Variants in FOXP1 observed in about 807,000 individuals in gnomAD.
The protein encoded by FOXP1 is forkhead box P1.
Under a neutral mutation model 98.2 loss-of-function variants are expected in FOXP1, and 15 were observed. The ratio of observed to expected loss-of-function variants is 0.15; its 90% CI spans 0.10 to 0.24. The LOEUF (loss-of-function observed/expected upper bound fraction) is 0.24. FOXP1 is among the 10% of genes least tolerant of loss of function. The pLI, the probability that FOXP1 is intolerant of heterozygous loss-of-function variation, is 1.00. For synonymous variants in FOXP1, 371 were observed against 314.5 expected, an observed-to-expected ratio of 1.18 and a Z score of -1.90; for missense variants, 633 against 848.5, an observed-to-expected ratio of 0.75 and a Z score of 3.15.
chr3:71,163,545 C>T (rs563265445), intron 6 of FOXP1, among the ~76,000 whole-genome samples: 2 of 152,070 alleles, frequency 1.3e-5, no homozygotes. Flanking sequence ...TGCTCAGTGC[C>T]CAATCTCTGC....
chr3:70,956,539 C>T lies in FOXP1; in HGVS notation c.*2708G>A, dbSNP rs915449389. On this transcript the variant is annotated 3_prime_UTR_variant, in exon 21 of 21. Coordinates refer to ENST00000649528, the MANE Select transcript of FOXP1 (RefSeq NM_001349338.3). ...CCCTAAAGGTTTGAACTGAGGTATGCGTACTAACAGTTTCTCATGCTGTTA... is the reference window on the plus strand; with the variant it reads ...CCCTAAAGGTTTGAACTGAGGTATGTGTACTAACAGTTTCTCATGCTGTTA... The T allele has an allele frequency of 6.2e-5, 14 of 225,802 alleles. No individual in the cohort carries two copies. Among genetic ancestry groups the T allele is most frequent in the African/African-American group, 2.0e-4 (9 of 44,068 alleles). 14.0% of individuals were successfully genotyped at this position (225,802 alleles called of 1,614,324 possible). A position where few individuals can be genotyped will look rare whatever the true frequency, so the allele number is the denominator to read the frequency against.
intron 14 of FOXP1, among the ~76,000 whole-genome samples, chr3:70,979,191 A>AAGAT (rs896547826): frequency 2.8e-5 from 4 of 142,958 alleles, no homozygotes; most frequent in Admixed American, 1.4e-4. Flanking sequence ...CTGAGGTGGG[A>AAGAT]AGATAGCTTG....
intron 20 of FOXP1, among the ~76,000 whole-genome samples, chr3:70,960,477 T>C (rs765106244): frequency 4.2e-4 from 64 of 152,238 alleles, no homozygotes; most frequent in Non-Finnish European, 2.1e-4. Context: ...AGAAATGTTG[T>C]TCGTAAATCA....
At chr3:71,582,698 C>T (rs2048282257) in intron 1 of FOXP1, 1 of 985,204 alleles carries the variant, frequency 1.0e-6, no homozygotes. Flanking sequence ...CCCGCACCCA[C>T]CCGTGGATCT....
Position 70,957,700 on chromosome 3 carries a change from T to G in FOXP1, c.*1547A>C. ...ACCATCACATTTCTGCATACCATGT[T>G]TGGGACCCCCCCAAAGCCCAGGGCC... On this transcript the variant is annotated 3_prime_UTR_variant, in exon 21 of 21. Coordinates refer to ENST00000649528, the MANE Select transcript of FOXP1 (RefSeq NM_001349338.3). The G allele has an allele frequency of 4.3e-6, 1 of 233,528 alleles. No individual in the cohort carries two copies. Among genetic ancestry groups the G allele is most frequent in the East Asian group, 6.0e-5 (1 of 16,576 alleles). The allele number at this position is 233,528 out of a possible 1,614,324, so 14.5% of individuals were successfully genotyped here. A position where few individuals can be genotyped will look rare whatever the true frequency, so the allele number is the denominator to read the frequency against.
intron 2 of FOXP1, among the ~76,000 whole-genome samples, chr3:71,517,401 T>C (rs2042661698): frequency 6.6e-6 from 1 of 152,242 alleles, no homozygotes; most frequent in Admixed American, 6.5e-5. Context: ...CAGGGGTTTC[T>C]TGGATTTAGC....
intron 5 of FOXP1, among the ~76,000 whole-genome samples, chr3:71,221,324 C>T (rs1459430244): frequency 6.6e-6 from 1 of 152,176 alleles, no homozygotes. Flanking sequence ...ATGTTGGGGT[C>T]CACTGTTCTA....
rs142956636 is a variant in FOXP1, at chr3:70,956,732, G to GTTTTT, written c.*2510_*2514dup. On this transcript the variant is annotated 3_prime_UTR_variant, in exon 21 of 21. Coordinates refer to ENST00000649528, the MANE Select transcript of FOXP1 (RefSeq NM_001349338.3). ...GCACATCATGAAGCTGCCTGGAAAA[G>GTTTTT]TTTTTTTTTTTTTTTTTTTTTTTTT... is the stretch of plus-strand genomic sequence containing the variant. 3.9e-3 allele frequency: 129 copies of GTTTTT among 32,810 alleles called. 26 individuals carry two copies. Among genetic ancestry groups the GTTTTT allele is most frequent in the East Asian group, 8.2e-3 (11 of 1,338 alleles). 2.0% of individuals were successfully genotyped at this position (32,810 alleles called of 1,614,324 possible).
chr3:71,240,794 C>A (rs545257213), intron 5 of FOXP1, among the ~76,000 whole-genome samples: 1 of 151,748 alleles, frequency 6.6e-6, no homozygotes, highest in Non-Finnish European at 1.5e-5. Flanking sequence ...ATCTGCCCGC[C>A]CTGGCCTCCC....
rs190837409 is a variant in FOXP1 at position 71,072,428 on chromosome 3, G to A, written c.283-18655C>T. Among the ~76,000 whole-genome samples the A allele has an allele frequency of 6.6e-5, 10 of 152,326 alleles. No individual in the cohort carries two copies. In the East Asian group the frequency reaches 1.7e-3, roughly 26 times the overall value. ...AATCTCGAACACTGTCATGTCTACA[G>A]TGAGTCAGGGAACAACAACCAAAAA... On this transcript the variant is annotated intron_variant, in intron 7 of 20. Transcript: ENST00000649528.
chr3:71,474,049 G>T (rs143078795), intron 3 of FOXP1, among the ~76,000 whole-genome samples: 21 of 152,200 alleles, frequency 1.4e-4, no homozygotes, highest in African/African-American at 4.8e-4. Context: ...AAATAGTTAC[G>T]TTAGGAAAAG....
chr3:71,527,713 A>AG (rs1004907019), intron 2 of FOXP1, among the ~76,000 whole-genome samples: 22 of 152,148 alleles, frequency 1.4e-4, no homozygotes, highest in African/African-American at 4.8e-4. Flanking sequence ...TCTGTACAAT[A>AG]GGGGGGAAAA....
chr3:71,252,307 G>A (rs905661339), intron 5 of FOXP1, among the ~76,000 whole-genome samples: 26 of 152,118 alleles, frequency 1.7e-4, no homozygotes, highest in African/African-American at 5.6e-4. Context: ...ACCAATCCTG[G>A]CACTGCCTAT....
chr3:71,199,603 G>A (rs1441298972), intron 5 of FOXP1, among the ~76,000 whole-genome samples: 5 of 151,820 alleles, frequency 3.3e-5, no homozygotes, highest in Non-Finnish European at 2.9e-5. Flanking sequence ...AGCCAGTCAT[G>A]GTGACAGGTG....
intron 2 of FOXP1, among the ~76,000 whole-genome samples, chr3:71,579,042 A>C (rs950897042): frequency 6.6e-6 from 1 of 152,252 alleles, no homozygotes; most frequent in African/African-American, 2.4e-5. Flanking sequence ...CATGTTGTGC[A>C]CCATGGTTAT....
chr3:71,538,563 A>T (rs2044498655), intron 2 of FOXP1, among the ~76,000 whole-genome samples: 1 of 152,248 alleles, frequency 6.6e-6, no homozygotes, highest in Non-Finnish European at 1.5e-5. Context: ...CCACCAGTTG[A>T]TAGACATCTG....
At position 71,015,668 on chromosome 3, in the gene FOXP1, A is replaced by G. The variant is rs2044352826; in HGVS notation, c.870-15T>C. ...CATGGGACAAACTGAAAGAAAACACACAGAAGACCAGAGAATGAATTTGCT... is the reference window on the plus strand; with the variant it reads ...CATGGGACAAACTGAAAGAAAACACGCAGAAGACCAGAGAATGAATTTGCT... On this transcript the variant is annotated splice_polypyrimidine_tract_variant and intron_variant, in intron 11 of 20. Coordinates refer to ENST00000649528, the MANE Select transcript of FOXP1 (RefSeq NM_001349338.3). 6.5e-7 allele frequency: 1 copy of G among 1,539,410 alleles called. No homozygotes were observed. Among genetic ancestry groups the G allele is most frequent in the Non-Finnish European group, 9.0e-7 (1 of 1,112,326 alleles).
chr3:71,126,722 G>C (rs2059207528), intron 6 of FOXP1, among the ~76,000 whole-genome samples: 3 of 151,644 alleles, frequency 2.0e-5, no homozygotes, highest in Admixed American at 2.0e-4. Flanking sequence ...TACTTAGGAG[G>C]ACGATGCATG....
chr3:71,084,259 A>T (rs2054772452), intron 7 of FOXP1, among the ~76,000 whole-genome samples: 2 of 152,190 alleles, frequency 1.3e-5, no homozygotes, highest in African/African-American at 4.8e-5. Flanking sequence ...CCTCTAAAAA[A>T]AATAAAGAAA....
Sources: gnomAD v4.1 joint callset for allele counts (sites outside exome capture counted in the v4.1 genomes callset) on GRCh38, gnomAD v4.1.1 for gene constraint, MANE v1.5 for transcripts, NCBI Gene and HGNC (gene_info 2026-07-23, HGNC 2026-07-21) for gene names.